The following GTF2IRD1 variants were observed in gnomAD, a reference collection of about 807,000 sequenced individuals.
The protein encoded by GTF2IRD1 is GTF2I repeat domain containing 1.
A neutral mutation model predicts 113.2 loss-of-function variants in GTF2IRD1; 26 were observed. The ratio of observed to expected loss-of-function variants is 0.23; its 90% CI spans 0.17 to 0.32. GTF2IRD1 has a LOEUF of 0.32. GTF2IRD1 is among the 10% of genes least tolerant of loss of function. The probability of loss-of-function intolerance (pLI) is 1.00; values close to 1 mark genes in which losing one functional copy is unlikely to be tolerated. For missense variants in GTF2IRD1, 864 were observed against 1,280.8 expected, an observed-to-expected ratio of 0.67 and a Z score of 4.97; for synonymous variants, 484 against 529.1, an observed-to-expected ratio of 0.91 and a Z score of 1.17.
intron 1 of GTF2IRD1, among the ~76,000 whole-genome samples, chr7:74,456,428 A>C (rs1219098077): frequency 1.1e-4 from 16 of 152,172 alleles, no homozygotes; most frequent in African/African-American, 3.9e-4. Flanking sequence ...TCACGCCTGT[A>C]ATCCCAGCAC....
intron 22 of GTF2IRD1, among the ~76,000 whole-genome samples, chr7:74,573,848 G>A (rs587645716): frequency 7.2e-5 from 11 of 152,328 alleles, no homozygotes; most frequent in African/African-American, 2.6e-4. Context: ...AGCAGACTTC[G>A]TGTGGCCCCA....
At chr7:74,490,547 C>CA (rs1231724750) in intron 1 of GTF2IRD1, among the ~76,000 whole-genome samples, 5 of 151,292 alleles carry the variant, frequency 3.3e-5, no homozygotes, top group African/African-American at 9.7e-5. Context: ...AGGATACCCC[C>CA]CCCCCCGCCC....
chr7:74,500,168 T>G (rs150437055), intron 1 of GTF2IRD1, among the ~76,000 whole-genome samples: 22 of 152,214 alleles, frequency 1.4e-4, no homozygotes, highest in Admixed American at 1.4e-3. Flanking sequence ...CCATCAAGTG[T>G]CACAAATGAC....
At chr7:74,504,073 C>T (rs1279492688) in intron 1 of GTF2IRD1, among the ~76,000 whole-genome samples, 1 of 152,074 alleles carries the variant, frequency 6.6e-6, no homozygotes, top group Non-Finnish European at 1.5e-5. Context: ...TCCATGTTGC[C>T]GCAAAGGACA....
intron 1 of GTF2IRD1, among the ~76,000 whole-genome samples, chr7:74,456,785 G>T (rs1178990835): frequency 2.0e-5 from 3 of 152,064 alleles, no homozygotes; most frequent in Admixed American, 6.6e-5. Flanking sequence ...TCTCTCGAAG[G>T]TTCTTCTTGG....
At position 74,597,199 on chromosome 7, in the gene GTF2IRD1, C is replaced by A. The variant is rs184584542; in HGVS notation, c.2629+2148C>A. On this transcript the variant is annotated intron_variant, in intron 25 of 26. Transcript: ENST00000424337. The stretch of plus-strand genomic sequence containing the variant: ...CTGGGATTACAGGCGCCTGCCACCA[C>A]GCCCAGCTATTTTTTTGTATTTTTA... 1.6e-3 allele frequency among the ~76,000 whole-genome samples: 240 copies of A among 152,104 alleles called. 1 individual carries two copies. Among genetic ancestry groups the A allele is most frequent in the African/African-American group, 5.4e-3 (225 of 41,492 alleles).
At chr7:74,468,664 A>AAAAT (rs1793885253) in intron 1 of GTF2IRD1, among the ~76,000 whole-genome samples, 1 of 142,754 alleles carries the variant, frequency 7.0e-6, no homozygotes, top group African/African-American at 2.6e-5. Context: ...CCATCTCCAA[A>AAAAT]AAAAAAAAAA....
Position 74,512,815 on chromosome 7 carries a change from C to G in GTF2IRD1, c.124-15C>G. On this transcript the variant is annotated splice_polypyrimidine_tract_variant and intron_variant, in intron 2 of 26. Coordinates refer to ENST00000424337, the MANE Select transcript of GTF2IRD1 (RefSeq NM_005685.4). The surrounding 1 kb of genome is among the most constrained non-coding windows in gnomAD (Gnocchi z 4.4). Reference sequence around the variant, plus strand: ...TGGGGAGCCCTTCCGCTCACACAGCCTGCCCTTCCCACAGTGCTCAGCGCT... The same window carrying G: ...TGGGGAGCCCTTCCGCTCACACAGCGTGCCCTTCCCACAGTGCTCAGCGCT... 1 of 1,613,028 alleles carries G rather than the reference C, an allele frequency of 6.2e-7. No individual in the cohort carries two copies. The highest frequency in any genetic ancestry group is 8.5e-7 in the Non-Finnish European group (1 of 1,179,526).
At chr7:74,454,573 C>T (rs1156239942) in intron 1 of GTF2IRD1, among the ~76,000 whole-genome samples, 2 of 115,440 alleles carry the variant, frequency 1.7e-5, no homozygotes, top group Non-Finnish European at 3.5e-5. Context: ...CTGGGAAGGC[C>T]GCGGTCCCCG....
At chr7:74,485,601 A>G (rs1794977053) in intron 1 of GTF2IRD1, among the ~76,000 whole-genome samples, 1 of 149,324 alleles carries the variant, frequency 6.7e-6, no homozygotes, top group Non-Finnish European at 1.5e-5. Flanking sequence ...TGGGTAAAAG[A>G]GCAAGACTCC....
At chr7:74,563,561 G>C (rs1800108050) in intron 22 of GTF2IRD1, among the ~76,000 whole-genome samples, 1 of 145,564 alleles carries the variant, frequency 6.9e-6, no homozygotes, top group Non-Finnish European at 1.5e-5. Context: ...TGGGCAACAA[G>C]AGTGAAACTC....
intron 22 of GTF2IRD1, among the ~76,000 whole-genome samples, chr7:74,585,119 T>G (rs1801647539): frequency 1.3e-5 from 2 of 148,974 alleles, no homozygotes; most frequent in African/African-American, 2.5e-5. Context: ...TGTTTTTTTT[T>G]TTTTTTTTTT....
chr7:74,569,976 C>T (rs1448493851), intron 22 of GTF2IRD1, among the ~76,000 whole-genome samples: 4 of 152,022 alleles, frequency 2.6e-5, no homozygotes, highest in African/African-American at 9.7e-5. Context: ...GAGGAAAGGG[C>T]GACTGTGCAG....
chr7:74,587,182 C>T (rs1248816638), intron 22 of GTF2IRD1, among the ~76,000 whole-genome samples: 5 of 152,104 alleles, frequency 3.3e-5, no homozygotes, highest in African/African-American at 9.7e-5. Flanking sequence ...CAGTGGCTCA[C>T]GCCTGTAATC....
intron 11 of GTF2IRD1, among the ~76,000 whole-genome samples, chr7:74,537,460 A>G (rs1554350514): frequency 3.3e-5 from 5 of 151,796 alleles, no homozygotes; most frequent in Admixed American, 2.0e-4. Context: ...CATACCTACT[A>G]CATGCATACA....
At chr7:74,524,249 GAGCCATATGCT>G in intron 8 of GTF2IRD1, 95 bp downstream of exon 8, 1 of 754,488 alleles carries the variant, frequency 1.3e-6, no homozygotes, top group Non-Finnish European at 2.2e-6. Context: ...ACGGCAGCGG[GAGCCATATGCT>G]GGCTCCCGCG....
chr7:74,459,949 G>T (rs1793253907), intron 1 of GTF2IRD1, among the ~76,000 whole-genome samples: 1 of 151,918 alleles, frequency 6.6e-6, no homozygotes, highest in Non-Finnish European at 1.5e-5. Context: ...GAATCGAGTG[G>T]AGCTGATTCA....
chr7:74,525,691 A>T (rs1297172678), intron 8 of GTF2IRD1, among the ~76,000 whole-genome samples: 1 of 151,502 alleles, frequency 6.6e-6, no homozygotes, highest in Admixed American at 6.6e-5. Context: ...CGGGAGGCAG[A>T]GGTTGCAGTG....
intron 22 of GTF2IRD1, among the ~76,000 whole-genome samples, chr7:74,569,795 C>T (rs587749222): frequency 2.6e-5 from 4 of 152,106 alleles, no homozygotes; most frequent in Non-Finnish European, 4.4e-5. Flanking sequence ...CGGAAGGTTC[C>T]GGAAGGGTGA....
Sources: gnomAD v4.1 joint callset for allele counts (sites outside exome capture counted in the v4.1 genomes callset) on GRCh38, gnomAD v4.1.1 for gene constraint, Gnocchi (gnomAD v3.1) non-coding constraint, MANE v1.5 for transcripts, NCBI Gene and HGNC (gene_info 2026-07-23, HGNC 2026-07-21) for gene names.